Variants in TGM4 observed in about 807,000 individuals in gnomAD.
The protein encoded by TGM4 is protein-glutamine gamma-glutamyltransferase 4.
TGM4 carries 61 observed loss-of-function variants against 76.3 expected under a neutral mutation model. The ratio of observed to expected loss-of-function variants is 0.80; its 90% CI spans 0.65 to 0.99. The LOEUF is 0.99. Ranked by LOEUF, TGM4 falls within the 50% of genes least tolerant of loss-of-function variation. The probability of loss-of-function intolerance (pLI) is 0.00; values close to 1 mark genes in which losing one functional copy is unlikely to be tolerated. For missense variants in TGM4, 794 were observed against 843.2 expected, an observed-to-expected ratio of 0.94 and a Z score of 0.72; for synonymous variants, 337 against 329.8, an observed-to-expected ratio of 1.02 and a Z score of -0.24.
At chr3:44,894,821 G>A (rs536447512) in intron 5 of TGM4, among the ~76,000 whole-genome samples, 3 of 152,158 alleles carry the variant, frequency 2.0e-5, no homozygotes, top group East Asian at 1.9e-4. Flanking sequence ...TGCAAGGTGC[G>A]CCGAGTGCCC....
chr3:44,883,849 G>A (rs1699563914), intron 1 of TGM4, among the ~76,000 whole-genome samples: 2 of 152,220 alleles, frequency 1.3e-5, no homozygotes, highest in Admixed American at 1.3e-4. Context: ...CACCTATTTT[G>A]TAGTCATGAA....
At position 44,887,732 on chromosome 3, in the gene TGM4, C is replaced by A. The variant is rs752997898; in HGVS notation, c.237C>A (p.Asp79Glu). The A allele has an allele frequency of 1.1e-5, 17 of 1,614,040 alleles. No individual in the cohort carries two copies. In the South Asian group the frequency reaches 1.9e-4, roughly 18 times the overall value. Residue 79 changes from aspartate (D) to glutamate (E), a missense_variant, in exon 3 of 14, where the codon GAC (aspartate) becomes GAA (glutamate). Asp to Glu is a conservative substitution (Grantham distance 45, BLOSUM62 2). Coordinates refer to ENST00000296125, the MANE Select transcript of TGM4 (RefSeq NM_003241.4). ...SIAKHTLVVL[D>E]PRTPSDHYNW... ...CCAAACACACCCTGGTGGTGCTCGA[C>A]CCGAGGACGCCCTCAGACCACTACA...
intron 4 of TGM4, among the ~76,000 whole-genome samples, chr3:44,892,034 G>A (rs1255387317): frequency 2.0e-5 from 3 of 151,810 alleles, no homozygotes; most frequent in Admixed American, 6.6e-5. Flanking sequence ...CAAGGCAGGC[G>A]GAACACAGGG....
intron 1 of TGM4, among the ~76,000 whole-genome samples, chr3:44,879,634 G>T (rs1019052519): frequency 6.6e-6 from 1 of 151,114 alleles, no homozygotes; most frequent in African/African-American, 2.4e-5. Flanking sequence ...CACCACATCC[G>T]GCTAATTTTG....
chr3:44,890,364 T>C, intron 3 of TGM4: 1 of 474,544 alleles, frequency 2.1e-6, no homozygotes, highest in Non-Finnish European at 3.8e-6. Flanking sequence ...GCCCAGTCTC[T>C]CCAGGGCCCT....
chr3:44,908,245 G>A (rs552067831), intron 10 of TGM4, among the ~76,000 whole-genome samples: 42 of 152,308 alleles, frequency 2.8e-4, no homozygotes, highest in African/African-American at 9.6e-4. Flanking sequence ...CAGAATGGAC[G>A]TGGATGGAGA....
intron 8 of TGM4, chr3:44,903,499 A>C (rs1469842753): frequency 1.1e-5 from 2 of 182,050 alleles, no homozygotes; most frequent in African/African-American, 2.3e-5. Flanking sequence ...TCACCCATTC[A>C]TCCAGGAAAA....
chr3:44,905,319 A>G (rs1312751378), intron 9 of TGM4, among the ~76,000 whole-genome samples: 1 of 151,910 alleles, frequency 6.6e-6, no homozygotes, highest in Non-Finnish European at 1.5e-5. Context: ...AAGCAGTCCA[A>G]CTGCTCAGAA....
At chr3:44,907,861 C>T (rs1307418241) in intron 10 of TGM4, among the ~76,000 whole-genome samples, 3 of 152,100 alleles carry the variant, frequency 2.0e-5, no homozygotes, top group East Asian at 1.9e-4. Context: ...TCCTGTACCA[C>T]GTGGTAAGGA....
At position 44,906,821 on chromosome 3, in the gene TGM4, C is replaced by A; in HGVS notation, c.1076-128C>A. The A allele has an allele frequency of 4.9e-6, 6 of 1,232,024 alleles. No homozygotes were observed. The South Asian group carries it at 7.0e-5, about 14-fold the overall frequency. 76.3% of individuals were successfully genotyped at this position (1,232,024 alleles called of 1,614,324 possible). A position where few individuals can be genotyped will look rare whatever the true frequency, so the allele number is the denominator to read the frequency against. ...TAAGGATGGCCTAGGAAATGAGTACCCAGATGCTTCTTGGGCAAAATTTGC... is the reference window on the plus strand; with the variant it reads ...TAAGGATGGCCTAGGAAATGAGTACACAGATGCTTCTTGGGCAAAATTTGC... On this transcript the variant is annotated intron_variant, in intron 9 of 13. Coordinates refer to ENST00000296125, the MANE Select transcript of TGM4 (RefSeq NM_003241.4).
intron 8 of TGM4, among the ~76,000 whole-genome samples, chr3:44,902,763 C>A (rs1307601552): frequency 1.3e-5 from 2 of 152,120 alleles, no homozygotes; most frequent in South Asian, 2.1e-4. Flanking sequence ...GTAACTAGTA[C>A]CCACTGGCCA....
Position 44,884,918 on chromosome 3 carries a change from T to C in TGM4, c.20-407T>C, listed in dbSNP as rs115907911. ...TTGTGTTGATTGACGGAGAACACCC[T>C]GGCACCAGGTTTGTTCCTGAGGCCA... is the stretch of plus-strand genomic sequence containing the variant. On this transcript the variant is annotated intron_variant, in intron 1 of 13. Transcript: ENST00000296125. 6.9e-3 allele frequency among the ~76,000 whole-genome samples: 1,050 copies of C among 152,300 alleles called. 12 individuals are homozygous for C. The highest frequency in any genetic ancestry group is 0.024 in the African/African-American group (1,004 of 41,554).
At chr3:44,911,209 GGGTCCTTGGTT>G in intron 12 of TGM4, 50 bp from the exon 13 acceptor site, 3 of 1,610,822 alleles carry the variant, frequency 1.9e-6, no homozygotes, top group Non-Finnish European at 2.5e-6. Context: ...AGAACCCTGA[GGGTCCTTGGTT>G]GGCTCATGCA....
In TGM4 at chr3:44,887,822, G is replaced by C. The variant is rs1333032886; in HGVS notation, c.300+27G>C. On this transcript the variant is annotated intron_variant, in intron 3 of 13. Transcript: ENST00000296125. ...TGAGCACCCACTGGGCTGGCGGGTGGGCTGGCTGGCTTCTGGCGGAATGCT... is the reference window on the plus strand; with the variant it reads ...TGAGCACCCACTGGGCTGGCGGGTGCGCTGGCTGGCTTCTGGCGGAATGCT... 5 of 1,601,836 alleles carry C rather than the reference G, an allele frequency of 3.1e-6. No individual in the cohort carries two copies. In the Admixed American group the frequency reaches 8.3e-5, roughly 27 times the overall value.
intron 10 of TGM4, among the ~76,000 whole-genome samples, chr3:44,909,884 T>C (rs1278656721): frequency 6.6e-6 from 1 of 152,240 alleles, no homozygotes; most frequent in Non-Finnish European, 1.5e-5. Flanking sequence ...GAGGTCTTTA[T>C]TCTGCCATTC....
intron 6 of TGM4, 106 bp from the exon 7 acceptor site, chr3:44,901,418 A>T: frequency 7.5e-7 from 1 of 1,332,322 alleles, no homozygotes; most frequent in Non-Finnish European, 1.0e-6. Context: ...AAGTACTCTG[A>T]GACATTATGA....
chr3:44,879,263 CTCTATATATATATA>C (rs1247998155), intron 1 of TGM4, among the ~76,000 whole-genome samples: 25 of 96,272 alleles, frequency 2.6e-4, no homozygotes, highest in Admixed American at 1.1e-3. Context: ...CTCTCTCTCT[CTCTATATATATATA>C]TATATATATA....
chr3:44,893,170 A>C (rs1699727306), intron 4 of TGM4, among the ~76,000 whole-genome samples: 1 of 152,104 alleles, frequency 6.6e-6, no homozygotes, highest in Non-Finnish European at 1.5e-5. Context: ...ACCATTCTTC[A>C]CTGTGATGGT....
chr3:44,878,682 A>T (rs760567146), intron 1 of TGM4, among the ~76,000 whole-genome samples: 1 of 151,942 alleles, frequency 6.6e-6, no homozygotes, highest in Non-Finnish European at 1.5e-5. Context: ...GGGTTTCACC[A>T]TGTTGGCCAG....
Sources: allele counts gnomAD v4.1 joint callset (sites outside exome capture counted in the v4.1 genomes callset), GRCh38; gene constraint gnomAD v4.1.1; transcripts MANE v1.5; gene names NCBI Gene and HGNC (gene_info 2026-07-23, HGNC 2026-07-21).